CEP63: variants seen among roughly 807,000 people sequenced by gnomAD.
CEP63 encodes the protein centrosomal protein of 63 kDa.
Under a neutral mutation model 89.1 loss-of-function variants are expected in CEP63, and 84 were observed. The observed-to-expected ratio is 0.94, with a 90% CI of 0.79 to 1.13. The LOEUF (loss-of-function observed/expected upper bound fraction) is 1.13, where lower values mean the gene tolerates loss of function less well. CEP63 is among the 50% of genes most tolerant of loss of function. CEP63 has a pLI of 0.00. For synonymous variants in CEP63, 267 were observed against 272.5 expected (o/e 0.98, Z 0.20); for missense variants, 838 against 813.3 (o/e 1.03, Z -0.37).
At chr3:134,539,287 A>G (rs538151913) in intron 6 of CEP63, among the ~76,000 whole-genome samples, 16 of 152,272 alleles carry the variant, frequency 1.1e-4, no homozygotes, top group Middle Eastern at 6.8e-3. Flanking sequence ...TTTTAAATGT[A>G]TAGTATAGTA....
chr3:134,492,070 CTTTTTTTT>C (rs74269453), intron 1 of CEP63, among the ~76,000 whole-genome samples: 5 of 103,674 alleles, frequency 4.8e-5, no homozygotes, highest in East Asian at 2.8e-4. Flanking sequence ...TATTTGTATT[CTTTTTTTT>C]TTTTTTTTTT....
chr3:134,604,669 G>T, the CEP63 span, among the ~76,000 whole-genome samples: 2 of 152,190 alleles, frequency 1.3e-5, no homozygotes, highest in Non-Finnish European at 2.9e-5. Flanking sequence ...ATCAGCCAGC[G>T]GCAGCACACC....
chr3:134,514,064 A>G (rs932966535), intron 3 of CEP63, among the ~76,000 whole-genome samples: 1 of 152,160 alleles, frequency 6.6e-6, no homozygotes, highest in African/African-American at 2.4e-5. Flanking sequence ...ATAAATCTAG[A>G]TATTTGTCAT....
intron 3 of CEP63, among the ~76,000 whole-genome samples, chr3:134,526,577 C>A (rs539355461): frequency 6.6e-6 from 1 of 152,092 alleles, no homozygotes; most frequent in Non-Finnish European, 1.5e-5. Flanking sequence ...TTGTTCCTAT[C>A]CATGCTCTGA....
At chr3:134,537,295 G>T in intron 6 of CEP63, 27 bp downstream of exon 6, 1 of 1,426,728 alleles carries the variant, frequency 7.0e-7, no homozygotes, top group South Asian at 1.1e-5. Flanking sequence ...TTAAAATAAT[G>T]AGAAGCAGAT....
intron 5 of CEP63, among the ~76,000 whole-genome samples, chr3:134,534,045 A>G (rs1950322489): frequency 6.6e-6 from 1 of 151,916 alleles, no homozygotes. Flanking sequence ...TCTACCTCAA[A>G]AACCCCATCT....
At chr3:134,559,539 A>G (rs889334196) in intron 14 of CEP63, 110 bp downstream of exon 14, 9 of 894,558 alleles carry the variant, frequency 1.0e-5, no homozygotes, top group Admixed American at 2.5e-5. Flanking sequence ...TTCTTTTATC[A>G]TAAGTACTCT....
At chr3:134,774,172 C>A in the CEP63 span, among the ~76,000 whole-genome samples, 1 of 152,250 alleles carries the variant, frequency 6.6e-6, no homozygotes, top group South Asian at 2.1e-4. Context: ...GACTCTTTGT[C>A]CCCTATGTGG....
the CEP63 span, among the ~76,000 whole-genome samples, chr3:134,692,838 C>T: frequency 6.6e-6 from 1 of 152,190 alleles, no homozygotes. Context: ...CTGTTGGTCA[C>T]CGTTGGTCAC....
the CEP63 span, among the ~76,000 whole-genome samples, chr3:134,782,125 C>A: frequency 6.6e-6 from 1 of 152,040 alleles, no homozygotes; most frequent in Admixed American, 6.5e-5. Context: ...CTGTCTGTGC[C>A]TATTGAGATG....
the CEP63 span, among the ~76,000 whole-genome samples, chr3:134,778,093 G>A: frequency 1.8e-5 from 2 of 108,964 alleles, no homozygotes; most frequent in African/African-American, 6.8e-5. Context: ...ATAGTTCCAC[G>A]TCACTTTTTT....
At chr3:134,701,192 A>G in the CEP63 span, among the ~76,000 whole-genome samples, 1 of 78,960 alleles carries the variant, frequency 1.3e-5, no homozygotes, top group Non-Finnish European at 2.4e-5. Flanking sequence ...ATATATATAT[A>G]CACACACATA....
chr3:134,534,421 G>C (rs2109120860), intron 5 of CEP63, among the ~76,000 whole-genome samples: 1 of 152,110 alleles, frequency 6.6e-6, no homozygotes, highest in Admixed American at 6.5e-5. Context: ...TATCTTTTCA[G>C]CTAACTCTCT....
At chr3:134,769,065 C>A in the CEP63 span, among the ~76,000 whole-genome samples, 1 of 152,150 alleles carries the variant, frequency 6.6e-6, no homozygotes, top group East Asian at 1.9e-4. Context: ...GACTTAGAGA[C>A]TCACAAAGTA....
At chr3:134,673,365 T>C in the CEP63 span, among the ~76,000 whole-genome samples, 151,469 of 152,246 alleles carry the variant, frequency 0.99, 75,352 homozygotes, top group East Asian at 1. Flanking sequence ...CCTCCAGTCC[T>C]GAAGTCCCAC....
At chr3:134,762,808 G>A in the CEP63 span, among the ~76,000 whole-genome samples, 1 of 152,156 alleles carries the variant, frequency 6.6e-6, no homozygotes, top group Non-Finnish European at 1.5e-5. Context: ...TCTGGCAAAT[G>A]AATACCAGGG....
At position 134,563,393 on chromosome 3, in the gene CEP63, C is replaced by T. The variant is rs550845402; in HGVS notation, c.*1858C>T. On this transcript the variant is annotated 3_prime_UTR_variant, in exon 15 of 15. Coordinates refer to ENST00000675561, the MANE Select transcript of CEP63 (RefSeq NM_001353108.3). ...AGAAATGTAAATGAAACAGTGTCAC[C>T]ACTGCTTCCCTTCAGACTCTTCCAA... 6.6e-6 allele frequency: 1 copy of T among 152,206 alleles called. No individual in the cohort carries two copies. The highest frequency in any genetic ancestry group is 1.9e-4 in the East Asian group (1 of 5,172). 9.4% of individuals were successfully genotyped at this position (152,206 alleles called of 1,614,324 possible). A position where few individuals can be genotyped will look rare whatever the true frequency, so the allele number is the denominator to read the frequency against.
the CEP63 span, among the ~76,000 whole-genome samples, chr3:134,623,422 C>G: frequency 6.6e-6 from 1 of 152,308 alleles, no homozygotes; most frequent in South Asian, 2.1e-4. Context: ...TCCTCCCCTC[C>G]TGCTTCAGCC....
At chr3:134,552,809 T>C (rs1955213945) in intron 12 of CEP63, 1 of 152,160 alleles carries the variant, frequency 6.6e-6, no homozygotes, top group South Asian at 2.1e-4. Context: ...GTAGGTGCTA[T>C]AATGAACACA....
Sources: gnomAD v4.1 joint callset for allele counts (sites outside exome capture counted in the v4.1 genomes callset) on GRCh38, gnomAD v4.1.1 for gene constraint, MANE v1.5 for transcripts, NCBI Gene and HGNC (gene_info 2026-07-23, HGNC 2026-07-21) for gene names.